TUBGCP5: variants seen among roughly 807,000 people sequenced by gnomAD.
TUBGCP5 encodes the protein tubulin gamma complex component 5.
In TUBGCP5, 98 loss-of-function variants were observed where a neutral mutation model predicts 134.7. The ratio of observed to expected loss-of-function variants is 0.73; its 90% CI spans 0.62 to 0.86. TUBGCP5 has a LOEUF of 0.86. Ranked by LOEUF, TUBGCP5 falls within the 40% of genes least tolerant of loss-of-function variation. The pLI is 0.00. For synonymous variants in TUBGCP5, 456 were observed against 431.4 expected, an observed-to-expected ratio of 1.06 and a Z score of -0.71; for missense variants, 1,150 against 1,244.8, an observed-to-expected ratio of 0.92 and a Z score of 1.15.
rs2140464891 is a variant in TUBGCP5 at position 23,011,060 on chromosome 15, G to A, written c.1955+73C>T. Reference sequence around the variant, plus strand: ...TTTTTGTTTTTAGCCCTACCTGCCAGAAATAAACAGTTAGCAAACATTGCA... The same window carrying A: ...TTTTTGTTTTTAGCCCTACCTGCCAAAAATAAACAGTTAGCAAACATTGCA... On this transcript the variant is annotated intron_variant, in intron 14 of 22. Transcript: ENST00000615383. 3.3e-6 allele frequency: 5 copies of A among 1,495,594 alleles called. No individual in the cohort carries two copies. The South Asian group carries it at 5.8e-5, about 17-fold the overall frequency. 92.6% of individuals were successfully genotyped at this position (1,495,594 alleles called of 1,614,324 possible).
intron 6 of TUBGCP5, among the ~76,000 whole-genome samples, chr15:23,027,616 G>A (rs951693545): frequency 6.6e-6 from 1 of 151,722 alleles, no homozygotes; most frequent in Non-Finnish European, 1.5e-5. Context: ...ATTAGCCAGG[G>A]ATGGTGGCAT....
chr15:23,034,413 A>G (rs961521929), intron 3 of TUBGCP5, among the ~76,000 whole-genome samples: 1 of 152,214 alleles, frequency 6.6e-6, no homozygotes, highest in African/African-American at 2.4e-5. Context: ...TAAGAGTGCT[A>G]ATGAAAAATG....
Position 23,005,378 on chromosome 15 carries a change from G to C in TUBGCP5, c.2712+54C>G, listed in dbSNP as rs1462487387. 6 of 1,555,270 alleles carry C rather than the reference G, an allele frequency of 3.9e-6. No individual in the cohort carries two copies. In the African/African-American group the frequency reaches 6.8e-5, roughly 18 times the overall value. ...AAACATAGTATGAGTAATTCTCTAC[G>C]AACAACTGTATAGATACGACGATAG... On this transcript the variant is annotated intron_variant, in intron 19 of 22. Transcript: ENST00000615383.
chr15:23,036,778 C>A (rs2066612228), intron 3 of TUBGCP5, 119 bp downstream of exon 3: 1 of 720,452 alleles, frequency 1.4e-6, no homozygotes, highest in Non-Finnish European at 2.3e-6. Context: ...TCCAAGAGAT[C>A]CCGTTAGCCA....
At chr15:23,000,241 G>C (rs997348629) in intron 22 of TUBGCP5, 14 of 1,213,978 alleles carry the variant, frequency 1.2e-5, no homozygotes, top group Middle Eastern at 3.3e-4. Flanking sequence ...TTTTTAAAAA[G>C]ACTAGATTTT....
chr15:23,027,967 A>G (rs1414806723), intron 6 of TUBGCP5, among the ~76,000 whole-genome samples: 1 of 152,156 alleles, frequency 6.6e-6, no homozygotes, highest in Non-Finnish European at 1.5e-5. Context: ...CTAAATTTTG[A>G]AGGATTAGAT....
At chr15:23,008,627 A>T in intron 16 of TUBGCP5, 72 bp downstream of exon 16, 1 of 1,459,606 alleles carries the variant, frequency 6.9e-7, no homozygotes, top group Admixed American at 1.8e-5. Flanking sequence ...TAATATGTGT[A>T]ATTCATAGAA....
chr15:22,985,217 TTTC>T (rs1432818138), intron 23 of TUBGCP5, among the ~76,000 whole-genome samples: 1 of 146,404 alleles, frequency 6.8e-6, no homozygotes, highest in East Asian at 2.0e-4. Flanking sequence ...TCTTTTGTTT[TTTC>T]TTTTTTGTTT....
At chr15:22,997,900 G>T (rs2064168594), downstream of TUBGCP5, among the ~76,000 whole-genome samples, 1 of 149,448 alleles carries the variant, frequency 6.7e-6, no homozygotes, top group African/African-American at 2.5e-5. Context: ...GCAGGCATGA[G>T]TCACTATGTG....
chr15:23,036,154 G>C (rs764905596), intron 3 of TUBGCP5, among the ~76,000 whole-genome samples: 1 of 152,170 alleles, frequency 6.6e-6, no homozygotes, highest in Non-Finnish European at 1.5e-5. Context: ...TGACCTCTAG[G>C]GGGCTACAGA....
chr15:23,017,854 T>G lies in TUBGCP5; in HGVS notation c.1675A>C (p.Ile559Leu). The G allele has an allele frequency of 6.2e-7, 1 of 1,614,102 alleles. No homozygotes were observed. Among genetic ancestry groups the G allele is most frequent in the African/African-American group, 1.3e-5 (1 of 75,032 alleles). Residue 559 changes from isoleucine (I) to leucine (L), a missense_variant, in exon 13 of 23, where the codon ATC becomes CTC. Ile to Leu is a conservative substitution (Grantham distance 5). Coordinates refer to ENST00000615383, the MANE Select transcript of TUBGCP5 (RefSeq NM_052903.6). ...TGCATCGACTTGCCAGCCATTATGA[T>G]CTGCTTCAGGACAGGTTTGAGGAAG... The part of the protein sequence containing the change: ...VSFLKPVLKQ[I>L]IMAGKSMQLL...
rs750979460 is a variant in TUBGCP5 at position 23,036,921 on chromosome 15, T to G, written c.285A>C (p.Pro95=). 1 of 1,610,782 alleles carries G rather than the reference T, an allele frequency of 6.2e-7. No individual in the cohort carries two copies. Residue 95 remains proline (P), a synonymous_variant, in exon 3 of 23, where the codon CCA becomes CCC. Transcript: ENST00000615383. Reference sequence around the variant, plus strand: ...CCTTTATTTCCTTTATACTGGGAAGTGGTGCATTTAGAAATTCCTCCGTTA... The same window carrying G: ...CCTTTATTTCCTTTATACTGGGAAGGGGTGCATTTAGAAATTCCTCCGTTA... The part of the protein sequence containing the change: ...KRLTEEFLNA[P]LPSIKEIKTD...
At position 23,000,647 on chromosome 15, in the gene TUBGCP5, C is replaced by G; in HGVS notation, c.2950G>C (p.Glu984Gln). 1 of 1,605,546 alleles carries G rather than the reference C, an allele frequency of 6.2e-7. No individual in the cohort carries two copies. ...TWRMESIEKM[E>Q]SDFKNCHMFL... Reference sequence around the variant, plus strand: ...ATATGGCAGTTTTTAAAATCAGATTCCATTTTCTCTATAGATTCCATTCTA... The same window carrying G: ...ATATGGCAGTTTTTAAAATCAGATTGCATTTTCTCTATAGATTCCATTCTA... The change falls in exon 22 of 23, where the codon GAA (glutamate) becomes CAA (glutamine). Residue 984 changes from glutamate (E) to glutamine (Q), a missense_variant. This residue lies in a region of TUBGCP5 where 697 missense variants were observed against 850.1 expected (regional missense o/e 0.82). Transcript: ENST00000615383.
downstream of TUBGCP5, chr15:22,999,089 T>C (rs897646836): frequency 6.6e-6 from 1 of 152,098 alleles, no homozygotes; most frequent in African/African-American, 2.4e-5. Context: ...GACAGCTACA[T>C]CTAAGACAAC....
rs772532740 is a variant in TUBGCP5, at chr15:23,021,963, T to TG, written c.1366dup (p.Gln456ProfsTer48). 6.2e-7 allele frequency: 1 copy of TG among 1,614,154 alleles called. No individual in the cohort carries two copies. Among genetic ancestry groups the TG allele is most frequent in the East Asian group, 2.2e-5 (1 of 44,880 alleles). On this transcript the variant is annotated frameshift_variant, in exon 11 of 23. Transcript: ENST00000615383. LOFTEE classifies it high-confidence loss of function. Reference sequence around the variant, plus strand: ...TTAGGCAGAAGTCTCACTTACGGTTTGCTCAGAGGCTTCTCCAACATTGTC... The same window carrying TG: ...TTAGGCAGAAGTCTCACTTACGGTTTGGCTCAGAGGCTTCTCCAACATTGTC...
At chr15:23,018,278 T>C (rs2065458744) in intron 12 of TUBGCP5, among the ~76,000 whole-genome samples, 1 of 152,222 alleles carries the variant, frequency 6.6e-6, no homozygotes, top group Non-Finnish European at 1.5e-5. Flanking sequence ...ATTGGAATTA[T>C]TTAAAATATG....
chr15:23,025,028 A>G (rs2065912107), intron 8 of TUBGCP5, among the ~76,000 whole-genome samples, 198 bp from the exon 9 acceptor site: 1 of 151,688 alleles, frequency 6.6e-6, no homozygotes, highest in Admixed American at 6.6e-5. Flanking sequence ...CAGCCTCTCC[A>G]GCAGTTGGGA....
chr15:23,026,785 T>G (rs929688891), intron 7 of TUBGCP5, among the ~76,000 whole-genome samples: 1 of 151,824 alleles, frequency 6.6e-6, no homozygotes, highest in African/African-American at 2.4e-5. Flanking sequence ...ATATAAAAAT[T>G]AGCTGGGCAT....
intron 6 of TUBGCP5, 130 bp from the exon 7 acceptor site, chr15:23,027,436 T>A: frequency 1.6e-6 from 1 of 634,942 alleles, no homozygotes; most frequent in Non-Finnish European, 2.7e-6. Context: ...ACCTAACATT[T>A]ATGTATATAT....
Sources: allele counts gnomAD v4.1 joint callset (sites outside exome capture counted in the v4.1 genomes callset), GRCh38; gene constraint gnomAD v4.1.1; regional missense constraint gnomAD v4.1.1; transcripts MANE v1.5; gene names NCBI Gene and HGNC (gene_info 2026-07-23, HGNC 2026-07-21).